The following COL28A1 variants were observed in gnomAD, a reference collection of about 807,000 sequenced individuals.
The protein encoded by COL28A1 is collagen alpha-1(XXVIII) chain.
A neutral mutation model predicts 150.2 loss-of-function variants in COL28A1; 161 were observed. The ratio of observed to expected loss-of-function variants is 1.07; its 90% confidence interval spans 0.94 to 1.22. The LOEUF (loss-of-function observed/expected upper bound fraction) is 1.22. COL28A1 is among the 50% of genes most tolerant of loss of function. COL28A1 has a pLI of 0.00. For missense variants in COL28A1, 1,617 were observed against 1,388.3 expected, an observed-to-expected ratio of 1.16 and a Z score of -2.62; for synonymous variants, 552 against 469.7, an observed-to-expected ratio of 1.18 and a Z score of -2.26.
upstream of COL28A1, among the ~76,000 whole-genome samples, chr7:7,536,657 G>C (rs79625534): frequency 6.6e-6 from 1 of 152,056 alleles, no homozygotes; most frequent in Non-Finnish European, 1.5e-5. Context: ...GCTTCTCCAC[G>C]GACTTCCTCT....
intron 23 of COL28A1, 72 bp downstream of exon 23, chr7:7,436,323 C>A: frequency 1.2e-6 from 1 of 852,438 alleles, no homozygotes; most frequent in Non-Finnish European, 2.0e-6. Flanking sequence ...GTAGAAAAAT[C>A]AACTTATGCA....
Position 7,358,652 on chromosome 7 carries a change from T to C in COL28A1, c.3359A>G (p.Glu1120Gly). 6.2e-7 allele frequency: 1 copy of C among 1,613,984 alleles called. No homozygotes were observed. Among genetic ancestry groups the C allele is most frequent in the Non-Finnish European group, 8.5e-7 (1 of 1,179,934 alleles). Reference protein sequence around the residue: ...NRFNSEKECQETCIQG With the variant: ...NRFNSEKECQGTCIQG ...ACTTGCTCATCCTTGAATGCAGGTT[T>C]CTTGACATTCCTTTTCACTGTTGAA... Residue 1120 changes from glutamate to glycine, a missense_variant, in exon 35 of 35, where the codon GAA becomes GGA. Glu to Gly is a moderately conservative substitution (Grantham distance 98). Transcript: ENST00000399429.
Position 7,456,254 on chromosome 7 carries a change from T to G in COL28A1, c.1303-142A>C, listed in dbSNP as rs1247308678. On this transcript the variant is annotated intron_variant, in intron 15 of 34. Coordinates refer to ENST00000399429, the MANE Select transcript of COL28A1 (RefSeq NM_001037763.3). Reference sequence around the variant, plus strand: ...AACATGGAAAATTATAAAACTTTATTTTATTCCTTTAAAAGTTTATAATTC... The same window carrying G: ...AACATGGAAAATTATAAAACTTTATGTTATTCCTTTAAAAGTTTATAATTC... 5.0e-6 allele frequency: 6 copies of G among 1,201,246 alleles called. No individual in the cohort carries two copies. The East Asian group carries it at 1.6e-4, about 33-fold the overall frequency. 74.4% of individuals were successfully genotyped at this position (1,201,246 alleles called of 1,614,324 possible).
intron 33 of COL28A1, among the ~76,000 whole-genome samples, chr7:7,367,727 C>T (rs975548483): frequency 6.6e-6 from 1 of 151,012 alleles, no homozygotes; most frequent in South Asian, 2.2e-4. Flanking sequence ...TCTGTTCTTA[C>T]TTTTCCTCAT....
At chr7:7,536,884 T>C (rs1464661625), upstream of COL28A1, among the ~76,000 whole-genome samples, 4 of 152,164 alleles carry the variant, frequency 2.6e-5, no homozygotes, top group Admixed American at 6.5e-5. Context: ...ACCACCTATA[T>C]ACAGTAAGTC....
At chr7:7,403,937 A>AAAT (rs1261374690) in intron 27 of COL28A1, among the ~76,000 whole-genome samples, 1 of 152,170 alleles carries the variant, frequency 6.6e-6, no homozygotes, top group Non-Finnish European at 1.5e-5. Flanking sequence ...CTAAGAAGTT[A>AAAT]AATGTATGTG....
chr7:7,469,574 AC>A (rs1788259194), intron 15 of COL28A1, among the ~76,000 whole-genome samples: 1 of 94,522 alleles, frequency 1.1e-5, no homozygotes, highest in East Asian at 3.5e-4. Flanking sequence ...CCATCAAGCT[AC>A]CAATGACTTT....
intron 26 of COL28A1, among the ~76,000 whole-genome samples, chr7:7,419,259 G>A (rs1348233737): frequency 1.3e-5 from 2 of 152,172 alleles, no homozygotes; most frequent in African/African-American, 2.4e-5. Flanking sequence ...ATTGTAGAAT[G>A]GTTGGCAGCA....
At chr7:7,479,893 G>A (rs1789248818) in intron 13 of COL28A1, among the ~76,000 whole-genome samples, 1 of 152,076 alleles carries the variant, frequency 6.6e-6, no homozygotes, top group Non-Finnish European at 1.5e-5. Flanking sequence ...TTGGCCAGAA[G>A]GTAAAAAAGT....
chr7:7,522,226 C>T, intron 4 of COL28A1: 1 of 477,358 alleles, frequency 2.1e-6, no homozygotes, highest in Non-Finnish European at 3.8e-6. Flanking sequence ...TATTAAATTT[C>T]AGCATAGTTA....
chr7:7,380,756 A>C (rs1477081636), intron 29 of COL28A1, 26 bp downstream of exon 29: 1 of 1,612,272 alleles, frequency 6.2e-7, no homozygotes, highest in Admixed American at 1.7e-5. Context: ...GTATAAAATC[A>C]CAGTGAGACA....
intron 27 of COL28A1, among the ~76,000 whole-genome samples, chr7:7,392,276 TC>T (rs975143626): frequency 6.6e-6 from 1 of 152,218 alleles, no homozygotes; most frequent in African/African-American, 2.4e-5. Context: ...GGTTGAAAAT[TC>T]TTTTAAGAAT....
At chr7:7,490,698 T>C (rs1453721538) in intron 11 of COL28A1, 52 bp from the exon 12 acceptor site, 3 of 828,856 alleles carry the variant, frequency 3.6e-6, no homozygotes, top group Admixed American at 1.9e-5. Flanking sequence ...CTCAATAGTA[T>C]TGACTAAGCA....
chr7:7,388,163 GC>G (rs1232513996), intron 27 of COL28A1, among the ~76,000 whole-genome samples: 1 of 151,098 alleles, frequency 6.6e-6, no homozygotes, highest in African/African-American at 2.4e-5. Context: ...CCCTCCCCTA[GC>G]CCCCCACCCC....
chr7:7,382,341 T>C (rs1176052480), intron 27 of COL28A1, among the ~76,000 whole-genome samples: 1 of 152,062 alleles, frequency 6.6e-6, no homozygotes, highest in Non-Finnish European at 1.5e-5. Flanking sequence ...AATGTCATTT[T>C]AGTAACGGGG....
At chr7:7,353,050 C>T (rs1780267022), downstream of COL28A1, among the ~76,000 whole-genome samples, 1 of 152,184 alleles carries the variant, frequency 6.6e-6, no homozygotes, top group African/African-American at 2.4e-5. Flanking sequence ...TGTGCATCAG[C>T]CAGATCCCCA....
intron 7 of COL28A1, among the ~76,000 whole-genome samples, chr7:7,516,103 T>C (rs1296167358): frequency 2.0e-5 from 3 of 152,244 alleles, no homozygotes; most frequent in Non-Finnish European, 4.4e-5. Flanking sequence ...TTCTTGCCCT[T>C]TGGCCCAAAA....
At chr7:7,426,043 G>A (rs1322479869) in intron 25 of COL28A1, among the ~76,000 whole-genome samples, 1 of 152,198 alleles carries the variant, frequency 6.6e-6, no homozygotes, top group Non-Finnish European at 1.5e-5. Flanking sequence ...TGAGAAGAAG[G>A]TGGAAGCAAG....
intron 32 of COL28A1, among the ~76,000 whole-genome samples, chr7:7,371,565 T>C (rs1781224261): frequency 6.6e-6 from 1 of 152,170 alleles, no homozygotes; most frequent in Non-Finnish European, 1.5e-5. Flanking sequence ...CACTCCCAGG[T>C]GGGTGAAGGA....
Sources: allele counts gnomAD v4.1 joint callset (sites outside exome capture counted in the v4.1 genomes callset), GRCh38; gene constraint gnomAD v4.1.1; transcripts MANE v1.5; gene names NCBI Gene and HGNC (gene_info 2026-07-23, HGNC 2026-07-21).